SMC4: variants seen among roughly 807,000 people sequenced by gnomAD.
SMC4 encodes structural maintenance of chromosomes protein 4.
In SMC4, 87 loss-of-function variants were observed where a neutral mutation model predicts 145.6. That is an observed-to-expected ratio of 0.60 (90% CI 0.50 to 0.71). The LOEUF (loss-of-function observed/expected upper bound fraction) is 0.71, where lower values mean the gene tolerates loss of function less well. SMC4 is among the 30% of genes least tolerant of loss of function. The pLI is 0.00. For missense variants in SMC4, 1,447 were observed against 1,537.1 expected (o/e 0.94, Z 0.98); for synonymous variants, 558 against 500.7 (o/e 1.11, Z -1.53).
Position 160,399,668 on chromosome 3 carries a change from C to G in SMC4, c.-87C>G, listed in dbSNP as rs747899605. The G allele has an allele frequency of 2.0e-5, 3 of 152,646 alleles. No individual in the cohort carries two copies. Among genetic ancestry groups the G allele is most frequent in the South Asian group, 2.1e-4 (1 of 4,822 alleles). The allele number at this position is 152,646 out of a possible 1,614,324, so 9.5% of individuals were successfully genotyped here. A position where few individuals can be genotyped will look rare whatever the true frequency, so the allele number is the denominator to read the frequency against. ...AGGCGCCATTTTCGAGTGAAGGACC[C>G]GGAGCCGAAACACCGGTAGGAGCGG... On this transcript the variant is annotated 5_prime_UTR_variant, in exon 1 of 24. Coordinates refer to ENST00000357388, the MANE Select transcript of SMC4 (RefSeq NM_001002800.3).
intron 13 of SMC4, among the ~76,000 whole-genome samples, chr3:160,422,763 C>G (rs1717320767): frequency 6.6e-6 from 1 of 152,042 alleles, no homozygotes; most frequent in African/African-American, 2.4e-5. Context: ...CCTTTGTTTT[C>G]TTCTAAAAGT....
At chr3:160,412,896 C>T (rs1027943184) in intron 7 of SMC4, 32 of 766,818 alleles carry the variant, frequency 4.2e-5, no homozygotes, top group African/African-American at 1.3e-4. Context: ...TTTACGTGTG[C>T]ACTTTTTAAA....
chr3:160,423,006 T>C (rs1717350117), intron 13 of SMC4, among the ~76,000 whole-genome samples: 1 of 152,220 alleles, frequency 6.6e-6, no homozygotes, highest in African/African-American at 2.4e-5. Flanking sequence ...TGTGCTGGTA[T>C]AGGACACTGT....
chr3:160,413,478 A>G lies in SMC4; in HGVS notation c.986A>G (p.Glu329Gly). The change falls in exon 8 of 24, where the codon GAG becomes GGG. Residue 329 changes from glutamate (E) to glycine (G), a missense_variant. Glu to Gly is a moderately conservative substitution (Grantham distance 98). Transcript: ENST00000357388. ...TTTTTTTTTCCTCCCTATAGTTATG[A>G]GTTGCAGAAACGAATTGCTGAAATG... ...KNHVCQYYIY[E>G]LQKRIAEMET... 1 of 1,576,364 alleles carries G rather than the reference A, an allele frequency of 6.3e-7. No homozygotes were observed. Among genetic ancestry groups the G allele is most frequent in the Non-Finnish European group, 8.6e-7 (1 of 1,169,000 alleles).
chr3:160,400,808 T>TC lies in SMC4; in HGVS notation c.-5-9dup. The TC allele has an allele frequency of 1.3e-6, 2 of 1,509,138 alleles. No homozygotes were observed. Among genetic ancestry groups the TC allele is most frequent in the Non-Finnish European group, 1.8e-6 (2 of 1,139,118 alleles). 93.5% of individuals were successfully genotyped at this position (1,509,138 alleles called of 1,614,324 possible). A position where few individuals can be genotyped will look rare whatever the true frequency, so the allele number is the denominator to read the frequency against. ...CCGCGGGCTGACTTGCTCCCGGCTG[T>TC]CCCCCGGCCCCAGCGACCATGCCCC... On this transcript the variant is annotated splice_polypyrimidine_tract_variant and intron_variant, in intron 1 of 23. Coordinates refer to ENST00000357388, the MANE Select transcript of SMC4 (RefSeq NM_001002800.3).
At chr3:160,431,572 ATT>A in intron 20 of SMC4, 69 bp from the exon 21 acceptor site, 1 of 1,148,482 alleles carries the variant, frequency 8.7e-7, no homozygotes, top group Non-Finnish European at 1.2e-6. Context: ...AATTTGTCAT[ATT>A]TTTTTTTAAA....
intron 6 of SMC4, 73 bp downstream of exon 6, chr3:160,412,157 A>C (rs2108466269): frequency 6.6e-7 from 1 of 1,520,572 alleles, no homozygotes. Context: ...AGTAAGTCAG[A>C]TATTCATGTT....
At chr3:160,432,546 C>T in intron 22 of SMC4, 31 bp downstream of exon 22, 1 of 1,329,988 alleles carries the variant, frequency 7.5e-7, no homozygotes, top group Non-Finnish European at 1.0e-6. Context: ...TATAATCCCA[C>T]TGTTACCTTT....
intron 5 of SMC4, among the ~76,000 whole-genome samples, chr3:160,410,515 T>C (rs1030386516): frequency 1.2e-4 from 18 of 152,232 alleles, no homozygotes; most frequent in Admixed American, 2.6e-4. Flanking sequence ...TAAAATACTT[T>C]ATATAAATAT....
At chr3:160,400,751 T>A in intron 1 of SMC4, 71 bp from the exon 2 acceptor site, 1 of 1,405,312 alleles carries the variant, frequency 7.1e-7, no homozygotes, top group Non-Finnish European at 9.2e-7. Context: ...GGACCGAGAT[T>A]TCCCCGGGTG....
intron 11 of SMC4, among the ~76,000 whole-genome samples, chr3:160,418,922 A>G (rs1213172298): frequency 1.3e-5 from 2 of 152,134 alleles, no homozygotes; most frequent in African/African-American, 2.4e-5. Flanking sequence ...CTTTTTCTCC[A>G]GTACCCCCCA....
chr3:160,419,575 C>A, intron 12 of SMC4, 32 bp downstream of exon 12: 1 of 1,317,812 alleles, frequency 7.6e-7, no homozygotes, highest in Non-Finnish European at 1.0e-6. Flanking sequence ...CATGGCTTTA[C>A]TTTTTTTTTT....
rs1716100085 is a variant in SMC4, at chr3:160,412,372, G to A, written c.899G>A (p.Gly300Glu). Residue 300 changes from glycine to glutamate, a missense_variant, in exon 7 of 24, where the codon GGA (glycine) becomes GAA (glutamate). Transcript: ENST00000357388. ...GAAAAGGAAAAGGATGCCTTAGAAGGAGAGAAAAACATAGCTATCGAATTT... is the reference window on the plus strand; with the variant it reads ...GAAAAGGAAAAGGATGCCTTAGAAGAAGAGAAAAACATAGCTATCGAATTT... ...MVEKEKDALEGEKNIAIEFLT... is the reference protein window; with the variant it reads ...MVEKEKDALEEEKNIAIEFLT... 1.9e-6 allele frequency: 3 copies of A among 1,604,714 alleles called. No individual in the cohort carries two copies. The highest frequency in any genetic ancestry group is 2.6e-6 in the Non-Finnish European group (3 of 1,172,108).
chr3:160,421,145 G>A (rs1717133233), intron 13 of SMC4, among the ~76,000 whole-genome samples: 1 of 151,936 alleles, frequency 6.6e-6, no homozygotes, highest in African/African-American at 2.4e-5. Flanking sequence ...TAGCCAGGAT[G>A]GTCTGGATCT....
chr3:160,413,688 C>A (rs1576957954), intron 8 of SMC4, 75 bp downstream of exon 8: 1 of 865,470 alleles, frequency 1.2e-6, no homozygotes, highest in East Asian at 3.3e-5. Flanking sequence ...AAAGTTACTT[C>A]TAGCACATTG....
At chr3:160,409,966 C>T (rs1715801413) in intron 5 of SMC4, among the ~76,000 whole-genome samples, 1 of 152,024 alleles carries the variant, frequency 6.6e-6, no homozygotes, top group Non-Finnish European at 1.5e-5. Flanking sequence ...GTCCCGGCTA[C>T]TTGGGACACT....
intron 5 of SMC4, chr3:160,404,850 ATTGT>A (rs1400914673): frequency 6.2e-6 from 3 of 481,438 alleles, no homozygotes; most frequent in South Asian, 1.6e-5. Flanking sequence ...TATTTTATCA[ATTGT>A]TTGTATTTCC....
At chr3:160,415,690 A>T (rs961641517) in intron 9 of SMC4, among the ~76,000 whole-genome samples, 3 of 152,222 alleles carry the variant, frequency 2.0e-5, no homozygotes, top group African/African-American at 7.2e-5. Flanking sequence ...TTTGGGGGTA[A>T]CCCCAAAGAC....
Position 160,423,817 on chromosome 3 carries a change from G to A in SMC4, c.2302G>A (p.Val768Ile), listed in dbSNP as rs773319063. The change falls in exon 15 of 24, where the codon GTT (valine) becomes ATT (isoleucine). Residue 768 changes from valine (V) to isoleucine (I), a missense_variant. Transcript: ENST00000357388. ...VMKGRMGSSL[V>I]IEISEEEVNK... ...GAAAGGAAGAATGGGTTCCTCACTTGTTATTGAAATCTCTGAAGAAGAGGT... is the reference window on the plus strand; with the variant it reads ...GAAAGGAAGAATGGGTTCCTCACTTATTATTGAAATCTCTGAAGAAGAGGT... 6.2e-7 allele frequency: 1 copy of A among 1,612,486 alleles called. No individual in the cohort carries two copies. The highest frequency in any genetic ancestry group is 8.5e-7 in the Non-Finnish European group (1 of 1,179,412).
Sources: gnomAD v4.1 joint callset for allele counts (sites outside exome capture counted in the v4.1 genomes callset) on GRCh38, gnomAD v4.1.1 for gene constraint, MANE v1.5 for transcripts, NCBI Gene and HGNC (gene_info 2026-07-23, HGNC 2026-07-21) for gene names.